MDFIC: variants seen among roughly 807,000 people sequenced by gnomAD.
MDFIC encodes myoD family inhibitor domain-containing protein.
MDFIC carries 17 observed loss-of-function variants against 23.2 expected under a neutral mutation model. That is an observed-to-expected ratio of 0.73 (90% CI 0.50 to 1.10). The LOEUF (loss-of-function observed/expected upper bound fraction) is 1.10. Among genes scored for constraint, MDFIC ranks in the 50% least tolerant of loss-of-function variants. The pLI, the probability that MDFIC is intolerant of heterozygous loss-of-function variation, is 0.00. For synonymous variants in MDFIC, 120 were observed against 115.2 expected, an observed-to-expected ratio of 1.04 and a Z score of -0.27; for missense variants, 356 against 316.6, an observed-to-expected ratio of 1.12 and a Z score of -0.95.
intron 3 of MDFIC, among the ~76,000 whole-genome samples, chr7:114,946,094 C>T (rs542630285): frequency 3.9e-5 from 6 of 152,152 alleles, no homozygotes; most frequent in South Asian, 2.1e-4. Context: ...CTATTTAACC[C>T]GTAATATGCA....
Position 114,968,646 on chromosome 7 carries a change from A to T in MDFIC, c.218-10860A>T, listed in dbSNP as rs1793149331. On this transcript the variant is annotated intron_variant, in intron 3 of 4. Transcript: ENST00000393486. ...GCTTGCAGTCCTAAATTATCAAATT[A>T]TGTCAGACAGAGGTTCATCTATAAT... Among the ~76,000 whole-genome samples, 3 of 152,184 alleles carry T rather than the reference A, an allele frequency of 2.0e-5. No individual in the cohort carries two copies. In the South Asian group the frequency reaches 6.2e-4, roughly 32 times the overall value.
intron 3 of MDFIC, among the ~76,000 whole-genome samples, chr7:114,970,285 T>G (rs1793182131): frequency 6.6e-6 from 1 of 152,206 alleles, no homozygotes; most frequent in Non-Finnish European, 1.5e-5. Context: ...AACAAGGACT[T>G]GGATTCAGAT....
intron 4 of MDFIC, among the ~76,000 whole-genome samples, chr7:114,983,941 A>G (rs1793463995): frequency 6.6e-6 from 1 of 152,224 alleles, no homozygotes. Context: ...CTGCAATTCT[A>G]TGAATTATAT....
At chr7:115,014,539 A>T in intron 4 of MDFIC, 1 of 1,286,874 alleles carries the variant, frequency 7.8e-7, no homozygotes, top group South Asian at 1.2e-5. Flanking sequence ...CAATGGTAAG[A>T]GGGTGGGGTT....
intron 3 of MDFIC, among the ~76,000 whole-genome samples, chr7:114,974,472 C>A (rs1793268878): frequency 6.6e-6 from 1 of 152,034 alleles, no homozygotes; most frequent in Non-Finnish European, 1.5e-5. Context: ...TTGTTACTGA[C>A]AATTTTACAT....
chr7:114,935,466 T>C (rs1390838982), intron 2 of MDFIC, among the ~76,000 whole-genome samples: 1 of 151,684 alleles, frequency 6.6e-6, no homozygotes, highest in Non-Finnish European at 1.5e-5. Flanking sequence ...ACATAATTTG[T>C]ATTAGTCTTT....
At chr7:114,930,446 GA>G (rs1172880416) in intron 2 of MDFIC, among the ~76,000 whole-genome samples, 4 of 151,980 alleles carry the variant, frequency 2.6e-5, no homozygotes, top group African/African-American at 7.2e-5. Flanking sequence ...CCTCTGGCGA[GA>G]AAAAAAATTG....
At chr7:114,941,474 T>C (rs930423048) in intron 2 of MDFIC, among the ~76,000 whole-genome samples, 1 of 152,190 alleles carries the variant, frequency 6.6e-6, no homozygotes. Flanking sequence ...TCCACCTTTC[T>C]CCCATCTGGA....
At chr7:114,988,965 G>A (rs1793557797) in intron 4 of MDFIC, among the ~76,000 whole-genome samples, 2 of 152,140 alleles carry the variant, frequency 1.3e-5, no homozygotes, top group Non-Finnish European at 2.9e-5. Flanking sequence ...TTGGTGGGAT[G>A]GGAGTGTGGG....
chr7:115,017,551 C>T lies in MDFIC; in HGVS notation c.*1616C>T, dbSNP rs1364630196. 2 of 152,010 alleles carry T rather than the reference C, an allele frequency of 1.3e-5. No individual in the cohort carries two copies. Among genetic ancestry groups the T allele is most frequent in the African/African-American group, 4.8e-5 (2 of 41,340 alleles). 9.4% of individuals were successfully genotyped at this position (152,010 alleles called of 1,614,324 possible). A position where few individuals can be genotyped will look rare whatever the true frequency, so the allele number is the denominator to read the frequency against. The stretch of plus-strand genomic sequence containing the variant: ...GATATCCCCTACTGTGACCAAATTT[C>T]TGTATTACGATTTTATGTTAAATTA... On this transcript the variant is annotated 3_prime_UTR_variant, in exon 5 of 5. Transcript: ENST00000393486.
At position 115,016,052 on chromosome 7, in the gene MDFIC, A is replaced by G; in HGVS notation, c.*117A>G. 1 of 1,056,190 alleles carries G rather than the reference A, an allele frequency of 9.5e-7. No homozygotes were observed. The highest frequency in any genetic ancestry group is 1.4e-6 in the Non-Finnish European group (1 of 734,008). 65.4% of individuals were successfully genotyped at this position (1,056,190 alleles called of 1,614,324 possible). ...AACATGGAATTTGCACTGTTAACTC[A>G]TTATTGTAAGTAATCTCTGAAAGCC... On this transcript the variant is annotated 3_prime_UTR_variant, in exon 5 of 5. Transcript: ENST00000393486.
At chr7:114,930,422 T>C (rs79499023) in intron 2 of MDFIC, among the ~76,000 whole-genome samples, 1 of 152,164 alleles carries the variant, frequency 6.6e-6, no homozygotes, top group Admixed American at 6.5e-5. Flanking sequence ...AGAAATGCAA[T>C]TGACAGGCTA....
chr7:115,011,766 A>G (rs1791686199), intron 4 of MDFIC, among the ~76,000 whole-genome samples: 1 of 152,324 alleles, frequency 6.6e-6, no homozygotes. Flanking sequence ...ATGGGAGGCA[A>G]CTAGTGGTTT....
chr7:114,991,017 C>T (rs1791146731), intron 4 of MDFIC, among the ~76,000 whole-genome samples: 1 of 151,794 alleles, frequency 6.6e-6, no homozygotes, highest in Non-Finnish European at 1.5e-5. Flanking sequence ...CCTGTTGTTT[C>T]CTGACTTTTT....
At chr7:115,013,507 G>A (rs955658155) in intron 4 of MDFIC, among the ~76,000 whole-genome samples, 2 of 152,128 alleles carry the variant, frequency 1.3e-5, no homozygotes, top group Non-Finnish European at 2.9e-5. Context: ...GTGGGTTTTT[G>A]TAGAGTCCCT....
At chr7:114,944,598 T>G (rs1792609352) in intron 3 of MDFIC, among the ~76,000 whole-genome samples, 1 of 152,232 alleles carries the variant, frequency 6.6e-6, no homozygotes, top group African/African-American at 2.4e-5. Context: ...TCCTTTGATA[T>G]TAAACTCTCA....
Position 114,942,403 on chromosome 7 carries a change from T to C in MDFIC, c.217+6T>C, listed in dbSNP as rs763565429. 6.4e-7 allele frequency: 1 copy of C among 1,560,434 alleles called. No individual in the cohort carries two copies. The highest frequency in any genetic ancestry group is 8.6e-7 in the Non-Finnish European group (1 of 1,158,042). On this transcript the variant is annotated splice_donor_region_variant and intron_variant, in intron 3 of 4. Coordinates refer to ENST00000393486, the MANE Select transcript of MDFIC (RefSeq NM_001166345.3). ...GGATGGTGAACTCATTAGAAGTAAG[T>C]ATTTTTAGAAAAAACTTTGAGTGAT...
chr7:114,945,617 C>G (rs1792629138), intron 3 of MDFIC, among the ~76,000 whole-genome samples: 2 of 152,122 alleles, frequency 1.3e-5, no homozygotes, highest in African/African-American at 4.8e-5. Flanking sequence ...AGAAGAAACT[C>G]ATATGGAATC....
At chr7:115,004,449 AAG>A (rs1791528501) in intron 4 of MDFIC, among the ~76,000 whole-genome samples, 1 of 152,254 alleles carries the variant, frequency 6.6e-6, no homozygotes, top group Non-Finnish European at 1.5e-5. Flanking sequence ...GTTCTCCACA[AAG>A]AGAAAAGAAA....
Sources: allele counts gnomAD v4.1 joint callset (sites outside exome capture counted in the v4.1 genomes callset), GRCh38; gene constraint gnomAD v4.1.1; transcripts MANE v1.5; gene names NCBI Gene and HGNC (gene_info 2026-07-23, HGNC 2026-07-21).